The following FRMD5 variants were observed in gnomAD, a reference collection of about 807,000 sequenced individuals.
FRMD5 encodes FERM domain containing 5.
In FRMD5, 20 loss-of-function variants were observed where a neutral mutation model predicts 69.0. The observed-to-expected ratio is 0.29, with a 90% confidence interval of 0.20 to 0.42. The LOEUF (loss-of-function observed/expected upper bound fraction) is 0.42, where lower values mean the gene tolerates loss of function less well. FRMD5 is among the 10% of genes least tolerant of loss of function. FRMD5 has a pLI of 1.00. For missense variants in FRMD5, 595 were observed against 708.6 expected (o/e 0.84, Z 1.82); for synonymous variants, 271 against 260.1 (o/e 1.04, Z -0.40).
chr15:44,181,460 A>G (rs935698027), intron 1 of FRMD5, among the ~76,000 whole-genome samples: 6 of 152,160 alleles, frequency 3.9e-5, no homozygotes, highest in Non-Finnish European at 5.9e-5. Flanking sequence ...TTACATAACT[A>G]TAGTATGTTA....
At chr15:44,196,714 G>A (rs1284719838), upstream of FRMD5, among the ~76,000 whole-genome samples, 1 of 143,154 alleles carries the variant, frequency 7.0e-6, no homozygotes, top group Non-Finnish European at 1.5e-5. Flanking sequence ...TTTGCATGGG[G>A]AGATTCATTC....
chr15:44,051,352 A>C (rs1320105904), intron 1 of FRMD5, among the ~76,000 whole-genome samples: 1 of 147,872 alleles, frequency 6.8e-6, no homozygotes, highest in African/African-American at 2.5e-5. Context: ...GGGTTTTACC[A>C]GGAGTTGAAG....
intron 1 of FRMD5, among the ~76,000 whole-genome samples, chr15:44,182,730 T>C (rs1489037732): frequency 1.3e-5 from 2 of 152,262 alleles, no homozygotes; most frequent in Non-Finnish European, 2.9e-5. Context: ...AGTTACTAGC[T>C]GTACAAAGAT....
At chr15:44,183,558 T>C (rs1456783294) in intron 1 of FRMD5, among the ~76,000 whole-genome samples, 2 of 152,200 alleles carry the variant, frequency 1.3e-5, no homozygotes, top group African/African-American at 4.8e-5. Context: ...GGCAGAGTAT[T>C]GTGCAGTGAG....
chr15:44,168,790 A>G (rs939839711), intron 1 of FRMD5, among the ~76,000 whole-genome samples: 2 of 152,102 alleles, frequency 1.3e-5, no homozygotes, highest in African/African-American at 4.8e-5. Flanking sequence ...TTTCTACCCA[A>G]TCTTTCTCTT....
At chr15:43,904,310 C>G (rs943906341) in intron 6 of FRMD5, among the ~76,000 whole-genome samples, 1 of 152,164 alleles carries the variant, frequency 6.6e-6, no homozygotes, top group African/African-American at 2.4e-5. Context: ...AGTAGATACA[C>G]AAACCTTTTA....
chr15:44,103,444 T>G (rs1197501889), intron 1 of FRMD5, among the ~76,000 whole-genome samples: 1 of 152,208 alleles, frequency 6.6e-6, no homozygotes, highest in Non-Finnish European at 1.5e-5. Context: ...TTACCTTCCC[T>G]CACAACATGT....
chr15:43,988,571 G>C (rs8038605), intron 1 of FRMD5, among the ~76,000 whole-genome samples: 1,898 of 152,102 alleles, frequency 0.012, 36 homozygotes, highest in African/African-American at 0.043. Flanking sequence ...GAGACAAAAA[G>C]CCTTCATACA....
chr15:44,196,211 C>CT (rs1241921134), upstream of FRMD5, among the ~76,000 whole-genome samples: 1 of 152,186 alleles, frequency 6.6e-6, no homozygotes, highest in Non-Finnish European at 1.5e-5. Flanking sequence ...CCTGTAATCC[C>CT]AGCACTTTGG....
At chr15:44,131,886 G>A (rs914350731) in intron 1 of FRMD5, among the ~76,000 whole-genome samples, 2 of 152,154 alleles carry the variant, frequency 1.3e-5, no homozygotes, top group African/African-American at 4.8e-5. Context: ...ACAGGTGGGC[G>A]GGAGATGGTT....
chr15:43,952,587 A>G (rs1456475045), intron 1 of FRMD5, among the ~76,000 whole-genome samples: 2 of 152,212 alleles, frequency 1.3e-5, no homozygotes, highest in Non-Finnish European at 2.9e-5. Context: ...AGGCTTCAGC[A>G]CTGCAGACTC....
intron 1 of FRMD5, among the ~76,000 whole-genome samples, chr15:44,165,712 G>A (rs1354729977): frequency 6.6e-6 from 1 of 152,038 alleles, no homozygotes; most frequent in African/African-American, 2.4e-5. Context: ...GCATGTGCCT[G>A]TAGTCCCAGG....
intron 1 of FRMD5, among the ~76,000 whole-genome samples, chr15:44,087,646 A>C (rs1894256117): frequency 6.6e-6 from 1 of 152,174 alleles, no homozygotes; most frequent in Admixed American, 6.5e-5. Context: ...GTAAGGATTA[A>C]ATGAGATATA....
intron 1 of FRMD5, among the ~76,000 whole-genome samples, chr15:43,936,848 G>A (rs2089770077): frequency 6.6e-6 from 1 of 151,914 alleles, no homozygotes; most frequent in African/African-American, 2.4e-5. Flanking sequence ...CGGTTCTAAA[G>A]TAACTTCTTA....
chr15:44,063,657 T>G (rs573379954), intron 1 of FRMD5: 1 of 445,034 alleles, frequency 2.2e-6, no homozygotes, highest in African/African-American at 2.1e-5. Flanking sequence ...TGTTCTAGTA[T>G]GATTCCACCC....
chr15:44,013,825 G>T (rs1244597859), intron 1 of FRMD5, among the ~76,000 whole-genome samples: 1 of 151,394 alleles, frequency 6.6e-6, no homozygotes, highest in Non-Finnish European at 1.5e-5. Flanking sequence ...ATGATGATGA[G>T]GAGGAGTGAT....
chr15:43,895,712 A>G (rs1197465692), intron 7 of FRMD5, among the ~76,000 whole-genome samples: 6 of 152,256 alleles, frequency 3.9e-5, no homozygotes, highest in South Asian at 2.1e-4. Context: ...GACACCCGGT[A>G]TCCGCAGGGG....
At chr15:44,002,233 C>G (rs925677156) in intron 1 of FRMD5, among the ~76,000 whole-genome samples, 4 of 152,068 alleles carry the variant, frequency 2.6e-5, no homozygotes, top group African/African-American at 9.7e-5. Context: ...AAACTTACAT[C>G]TGGGTGTTGT....
At chr15:44,078,910 T>C (rs193236725) in intron 1 of FRMD5, among the ~76,000 whole-genome samples, 1 of 152,102 alleles carries the variant, frequency 6.6e-6, no homozygotes, top group African/African-American at 2.4e-5. Context: ...AACAGATAAA[T>C]TGGACTTCAT....
Sources: gnomAD v4.1 joint callset for allele counts (sites outside exome capture counted in the v4.1 genomes callset) on GRCh38, gnomAD v4.1.1 for gene constraint, MANE v1.5 for transcripts, NCBI Gene and HGNC (gene_info 2026-07-23, HGNC 2026-07-21) for gene names.